Variants in NCKAP5 observed in about 807,000 individuals in gnomAD.
NCKAP5 encodes NCK associated protein 5.
Under a neutral mutation model 167.0 loss-of-function variants are expected in NCKAP5, and 92 were observed. The observed-to-expected ratio is 0.55, with a 90% CI of 0.47 to 0.66. NCKAP5 has a LOEUF of 0.66. Ranked by LOEUF, NCKAP5 falls within the 30% of genes least tolerant of loss-of-function variation. The pLI is 0.00. For synonymous variants in NCKAP5, 891 were observed against 877.4 expected (o/e 1.02, Z -0.27); for missense variants, 2,378 against 2,315.0 (o/e 1.03, Z -0.56).
the NCKAP5 span, among the ~76,000 whole-genome samples, chr2:133,608,719 A>G: frequency 6.6e-6 from 1 of 152,126 alleles, no homozygotes; most frequent in South Asian, 2.1e-4. Flanking sequence ...GACGATGGCC[A>G]CCCTCACCTT....
intron 19 of NCKAP5, among the ~76,000 whole-genome samples, chr2:132,714,589 T>A (rs555973229): frequency 6.6e-6 from 1 of 151,890 alleles, no homozygotes; most frequent in African/African-American, 2.4e-5. Flanking sequence ...AAGCCGAGGC[T>A]GGCGGATCAC....
intron 3 of NCKAP5, among the ~76,000 whole-genome samples, chr2:133,317,868 C>T (rs1368378622): frequency 6.6e-6 from 1 of 152,158 alleles, no homozygotes; most frequent in African/African-American, 2.4e-5. Flanking sequence ...TACATCTGAC[C>T]ATGAAAAGGC....
intron 11 of NCKAP5, among the ~76,000 whole-genome samples, chr2:132,816,623 C>T (rs999534084): frequency 2.0e-5 from 3 of 152,144 alleles, no homozygotes; most frequent in African/African-American, 4.8e-5. Context: ...ATTCTTCCCT[C>T]TCTGCTCACC....
intron 4 of NCKAP5, among the ~76,000 whole-genome samples, chr2:133,299,728 G>A (rs183787558): frequency 4.1e-4 from 62 of 152,268 alleles, no homozygotes; most frequent in Non-Finnish European, 7.9e-4. Flanking sequence ...TCCAGCCTGG[G>A]CAACAAGAGC....
At chr2:133,107,451 T>G (rs2081747356) in intron 6 of NCKAP5, among the ~76,000 whole-genome samples, 1 of 152,242 alleles carries the variant, frequency 6.6e-6, no homozygotes, top group African/African-American at 2.4e-5. Flanking sequence ...AGACTTGCAA[T>G]AAAACTACAC....
rs113957530 is a variant in NCKAP5, at chr2:132,727,007, C to T, written c.5581-1248G>A. On this transcript the variant is annotated intron_variant, in intron 18 of 19. Transcript: ENST00000409261. Reference sequence around the variant, plus strand: ...AACAAATGCTAACTGAACCAGGCATCGTGCCAGGTACTAGAAATATAAAGC... The same window carrying T: ...AACAAATGCTAACTGAACCAGGCATTGTGCCAGGTACTAGAAATATAAAGC... 2.6e-5 allele frequency among the ~76,000 whole-genome samples: 4 copies of T among 152,312 alleles called. 1 individual carries two copies. Among genetic ancestry groups the T allele is most frequent in the African/African-American group, 7.2e-5 (3 of 41,556 alleles).
At chr2:132,747,819 T>C (rs1679777702) in intron 16 of NCKAP5, among the ~76,000 whole-genome samples, 1 of 152,154 alleles carries the variant, frequency 6.6e-6, no homozygotes, top group African/African-American at 2.4e-5. Flanking sequence ...GAAACTGAAG[T>C]TTAAGGAGGT....
At chr2:133,128,391 G>T (rs1285104562) in intron 6 of NCKAP5, among the ~76,000 whole-genome samples, 1 of 152,174 alleles carries the variant, frequency 6.6e-6, no homozygotes, top group Non-Finnish European at 1.5e-5. Flanking sequence ...CTGGTCCCAA[G>T]GCTGTAAATG....
At chr2:133,383,727 T>C (rs546516194) in intron 3 of NCKAP5, among the ~76,000 whole-genome samples, 1 of 152,334 alleles carries the variant, frequency 6.6e-6, no homozygotes, top group African/African-American at 2.4e-5. Flanking sequence ...CCAGCACCTG[T>C]TATTTCCTGA....
chr2:132,723,605 T>G (rs2105412432), intron 19 of NCKAP5, among the ~76,000 whole-genome samples: 1 of 152,322 alleles, frequency 6.6e-6, no homozygotes, highest in South Asian at 2.1e-4. Flanking sequence ...ATGAGAACTC[T>G]TAGGAAAACT....
Position 133,115,775 on chromosome 2 carries a change from G to GTATATATATATA in NCKAP5, c.341+14191_341+14202dup, listed in dbSNP as rs10683280. 3.4e-3 allele frequency among the ~76,000 whole-genome samples: 317 copies of GTATATATATATA among 94,222 alleles called. 1 individual carries two copies. The highest frequency in any genetic ancestry group is 7.4e-3 in the Middle Eastern group (1 of 136). 61.8% of individuals were successfully genotyped at this position (94,222 alleles called of 152,430 possible). A position where few individuals can be genotyped will look rare whatever the true frequency, so the allele number is the denominator to read the frequency against. On this transcript the variant is annotated intron_variant, in intron 6 of 19. Transcript: ENST00000409261. ...TAAATTGAAGTATATATGTGTGTGTGTATATATATATATATATATATATAT... is the reference window on the plus strand; with the variant it reads ...TAAATTGAAGTATATATGTGTGTGTGTATATATATATATATATATATATATATATATATATAT...
chr2:133,457,978 A>G (rs1400761986), intron 3 of NCKAP5, among the ~76,000 whole-genome samples: 1 of 152,170 alleles, frequency 6.6e-6, no homozygotes, highest in Non-Finnish European at 1.5e-5. Context: ...TTCAGCCTTG[A>G]TGATAGGTCT....
the NCKAP5 span, among the ~76,000 whole-genome samples, chr2:133,663,872 G>C: frequency 6.6e-6 from 1 of 152,148 alleles, no homozygotes; most frequent in African/African-American, 2.4e-5. Context: ...AATCACAAAA[G>C]TTCTTATTGG....
the NCKAP5 span, among the ~76,000 whole-genome samples, chr2:133,601,576 TA>T: frequency 6.6e-6 from 1 of 151,670 alleles, no homozygotes; most frequent in Non-Finnish European, 1.5e-5. Context: ...CTAAAAAAAA[TA>T]AAAAAATTAG....
At chr2:133,401,481 G>A (rs1574885928) in intron 3 of NCKAP5, among the ~76,000 whole-genome samples, 1 of 152,242 alleles carries the variant, frequency 6.6e-6, no homozygotes, top group East Asian at 1.9e-4. Context: ...CTTGAAATGG[G>A]GGCAGTCTAG....
chr2:132,967,116 T>C (rs1473400044), intron 7 of NCKAP5, among the ~76,000 whole-genome samples: 1 of 150,240 alleles, frequency 6.7e-6, no homozygotes, highest in Admixed American at 6.7e-5. Flanking sequence ...AGTAGAAAAT[T>C]TGCAAATGCA....
At chr2:133,223,696 A>G (rs1027574538) in intron 4 of NCKAP5, among the ~76,000 whole-genome samples, 2 of 152,208 alleles carry the variant, frequency 1.3e-5, no homozygotes, top group African/African-American at 2.4e-5. Context: ...CTCTGATTAT[A>G]TGCTTTAGGA....
chr2:133,596,230 T>G, the NCKAP5 span: 1 of 155,436 alleles, frequency 6.4e-6, no homozygotes, highest in South Asian at 2.1e-4. Context: ...GTGTGCTTGG[T>G]CAGAGAGGAC....
At chr2:133,136,666 C>G (rs1175990755) in intron 5 of NCKAP5, among the ~76,000 whole-genome samples, 1 of 152,140 alleles carries the variant, frequency 6.6e-6, no homozygotes, top group Non-Finnish European at 1.5e-5. Context: ...AACATTAGTA[C>G]TCTTGGATAA....
Sources: gnomAD v4.1 joint callset for allele counts (sites outside exome capture counted in the v4.1 genomes callset) on GRCh38, gnomAD v4.1.1 for gene constraint, MANE v1.5 for transcripts, NCBI Gene and HGNC (gene_info 2026-07-23, HGNC 2026-07-21) for gene names.